The following KLF12 variants were observed in gnomAD, a reference collection of about 807,000 sequenced individuals.
KLF12 encodes Krueppel-like factor 12.
Under a neutral mutation model 37.8 loss-of-function variants are expected in KLF12, and 9 were observed. That is an observed-to-expected ratio of 0.24 (90% CI 0.14 to 0.42). The LOEUF (loss-of-function observed/expected upper bound fraction) is 0.42. Among genes scored for constraint, KLF12 ranks in the 10% least tolerant of loss-of-function variants. The pLI is 1.00. For missense variants in KLF12, 411 were observed against 516.0 expected, an observed-to-expected ratio of 0.80 and a Z score of 1.97; for synonymous variants, 208 against 202.1, an observed-to-expected ratio of 1.03 and a Z score of -0.25.
At chr13:74,144,597 G>C in the KLF12 span, among the ~76,000 whole-genome samples, 1 of 152,098 alleles carries the variant, frequency 6.6e-6, no homozygotes, top group Non-Finnish European at 1.5e-5. Flanking sequence ...ATATATGTAT[G>C]GCTGAACATT....
At chr13:74,135,407 ACGCT>A (rs1878511492), upstream of KLF12, among the ~76,000 whole-genome samples, 7 of 151,380 alleles carry the variant, frequency 4.6e-5, no homozygotes, top group South Asian at 1.5e-3. Context: ...CGAGTCCTTG[ACGCT>A]CTCCCCGGCA....
At chr13:74,262,250 T>C in the KLF12 span, among the ~76,000 whole-genome samples, 1 of 152,354 alleles carries the variant, frequency 6.6e-6, no homozygotes, top group East Asian at 1.9e-4. Context: ...TCTTCAACAC[T>C]GTGAAAGGCA....
At chr13:74,302,325 T>C in the KLF12 span, among the ~76,000 whole-genome samples, 3 of 152,154 alleles carry the variant, frequency 2.0e-5, no homozygotes, top group Non-Finnish European at 4.4e-5. Context: ...GGTGTGAACT[T>C]CACTTACAAA....
At chr13:74,251,143 T>C in the KLF12 span, among the ~76,000 whole-genome samples, 1 of 152,110 alleles carries the variant, frequency 6.6e-6, no homozygotes, top group African/African-American at 2.4e-5. Flanking sequence ...AGTAATCTTC[T>C]TGGTAATCTC....
chr13:73,884,278 G>A (rs557717753), intron 3 of KLF12, among the ~76,000 whole-genome samples: 3 of 152,226 alleles, frequency 2.0e-5, no homozygotes, highest in South Asian at 4.1e-4. Context: ...TCAATACCCT[G>A]TTGTGGATCT....
intron 1 of KLF12, among the ~76,000 whole-genome samples, chr13:74,063,932 A>G (rs895682235): frequency 2.0e-5 from 3 of 152,330 alleles, no homozygotes; most frequent in Admixed American, 2.0e-4. Context: ...GACAGCATTT[A>G]GATTAACTGC....
chr13:73,733,149 A>C (rs1877196777), intron 6 of KLF12, among the ~76,000 whole-genome samples: 1 of 152,154 alleles, frequency 6.6e-6, no homozygotes, highest in Non-Finnish European at 1.5e-5. Context: ...GTAATGAAAT[A>C]TACATAGCAT....
chr13:73,970,001 A>C (rs573558651), intron 2 of KLF12, among the ~76,000 whole-genome samples: 8 of 152,302 alleles, frequency 5.3e-5, no homozygotes, highest in African/African-American at 1.9e-4. Flanking sequence ...GTGCTTAGTT[A>C]GGTTCAACAA....
chr13:73,877,794 A>G (rs75222763), intron 3 of KLF12, among the ~76,000 whole-genome samples: 8,520 of 152,226 alleles, frequency 0.056, 288 homozygotes, highest in African/African-American at 0.093. Context: ...TATGGACAGG[A>G]GGCAAGGAAA....
the KLF12 span, among the ~76,000 whole-genome samples, chr13:74,228,195 C>T: frequency 2.0e-5 from 3 of 152,166 alleles, no homozygotes; most frequent in South Asian, 6.2e-4. Flanking sequence ...TATTATCTTC[C>T]TCTTCTACAT....
the KLF12 span, among the ~76,000 whole-genome samples, chr13:74,171,501 A>G: frequency 2.0e-5 from 3 of 152,114 alleles, no homozygotes; most frequent in African/African-American, 7.2e-5. Context: ...TTCCTCCCAA[A>G]CAGTCTATAC....
intron 3 of KLF12, among the ~76,000 whole-genome samples, chr13:73,926,379 T>G (rs532130689): frequency 3.9e-5 from 6 of 152,310 alleles, no homozygotes; most frequent in Admixed American, 3.9e-4. Context: ...TCGTTAGCAT[T>G]TTTTAGCAAT....
chr13:74,209,055 T>C, the KLF12 span, among the ~76,000 whole-genome samples: 1 of 152,056 alleles, frequency 6.6e-6, no homozygotes, highest in African/African-American at 2.4e-5. Context: ...ATACTAGATT[T>C]TGTGGCATTA....
chr13:73,800,628 T>C (rs948708804), intron 5 of KLF12: 44 of 152,136 alleles, frequency 2.9e-4, no homozygotes, highest in African/African-American at 1.0e-3. Context: ...TCTAGAAATA[T>C]TACATGACTT....
chr13:73,810,970 T>TC (rs1882897280), intron 5 of KLF12, among the ~76,000 whole-genome samples: 2 of 142,024 alleles, frequency 1.4e-5, no homozygotes, highest in South Asian at 4.5e-4. Context: ...TTTATTTTTT[T>TC]AATTTTTCTT....
intron 1 of KLF12, among the ~76,000 whole-genome samples, chr13:74,110,364 AT>A (rs1185608340): frequency 6.6e-6 from 1 of 152,156 alleles, no homozygotes; most frequent in Non-Finnish European, 1.5e-5. Flanking sequence ...TGGCTTTATC[AT>A]TACTCTCCCT....
At chr13:74,245,901 A>G in the KLF12 span, among the ~76,000 whole-genome samples, 1 of 152,264 alleles carries the variant, frequency 6.6e-6, no homozygotes, top group Non-Finnish European at 1.5e-5. Flanking sequence ...TGTATGTTAA[A>G]GTATCAATGA....
chr13:74,068,566 T>C (rs1304913188), intron 1 of KLF12, among the ~76,000 whole-genome samples: 1 of 151,148 alleles, frequency 6.6e-6, no homozygotes, highest in Non-Finnish European at 1.5e-5. Flanking sequence ...TTCTTTTTTT[T>C]TTTTTTTTGA....
chr13:74,013,716 T>C (rs1892609900), intron 1 of KLF12, among the ~76,000 whole-genome samples: 1 of 152,156 alleles, frequency 6.6e-6, no homozygotes, highest in Admixed American at 6.5e-5. Flanking sequence ...TACTGAAGCA[T>C]CTATTTTACT....
Sources: gnomAD v4.1 joint callset for allele counts (sites outside exome capture counted in the v4.1 genomes callset) on GRCh38, gnomAD v4.1.1 for gene constraint, MANE v1.5 for transcripts, NCBI Gene and HGNC (gene_info 2026-07-23, HGNC 2026-07-21) for gene names.